LHFPL2: variants seen among roughly 807,000 people sequenced by gnomAD.
LHFPL2 encodes LHFPL tetraspan subfamily member 2, also known as LHFPL tetraspan subfamily member 2 protein.
In LHFPL2, 7 loss-of-function variants were observed where a neutral mutation model predicts 17.5. That is an observed-to-expected ratio of 0.40 (90% confidence interval 0.23 to 0.75). The LOEUF is 0.75. LHFPL2 is among the 30% of genes least tolerant of loss of function. The pLI is 0.37. For synonymous variants in LHFPL2, 134 were observed against 116.2 expected (o/e 1.15, Z -0.99); for missense variants, 241 against 294.8 (o/e 0.82, Z 1.34).
intron 4 of LHFPL2, among the ~76,000 whole-genome samples, chr5:78,506,081 G>A (rs573292091): frequency 2.0e-5 from 3 of 152,210 alleles, no homozygotes; most frequent in Non-Finnish European, 4.4e-5. Flanking sequence ...CCTGCTATCT[G>A]GATTCACATA....
chr5:78,592,028 G>C (rs902596718), intron 2 of LHFPL2, among the ~76,000 whole-genome samples: 2 of 152,212 alleles, frequency 1.3e-5, no homozygotes, highest in African/African-American at 4.8e-5. Flanking sequence ...GAGAGTGTCT[G>C]AAAGACGTGG....
intron 2 of LHFPL2, among the ~76,000 whole-genome samples, chr5:78,631,723 G>A (rs755284276): frequency 7.2e-5 from 11 of 152,196 alleles, no homozygotes; most frequent in Non-Finnish European, 1.5e-4. Flanking sequence ...ATCACTTGAG[G>A]TCAGGAGTTC....
intron 3 of LHFPL2, among the ~76,000 whole-genome samples, chr5:78,515,215 G>A (rs1174734513): frequency 6.6e-6 from 1 of 150,874 alleles, no homozygotes; most frequent in Non-Finnish European, 1.5e-5. Context: ...CTCATGCATT[G>A]CATTTGATTA....
chr5:78,526,758 T>C (rs544394054), intron 3 of LHFPL2, among the ~76,000 whole-genome samples: 1 of 152,320 alleles, frequency 6.6e-6, no homozygotes, highest in Non-Finnish European at 1.5e-5. Flanking sequence ...TATTGTCAAT[T>C]GAATGCACTT....
At chr5:78,644,843 C>T in intron 1 of LHFPL2, 1 of 199,472 alleles carries the variant, frequency 5.0e-6, no homozygotes, top group Admixed American at 4.8e-5. Flanking sequence ...CTCCTTTGCC[C>T]ATGTTTAGTT....
At chr5:78,515,856 G>A (rs1381315491) in intron 3 of LHFPL2, among the ~76,000 whole-genome samples, 1 of 152,314 alleles carries the variant, frequency 6.6e-6, no homozygotes, top group South Asian at 2.1e-4. Flanking sequence ...CAGGAGGAAT[G>A]TGGCCTGGCT....
intron 4 of LHFPL2, among the ~76,000 whole-genome samples, chr5:78,507,342 GAAAA>G (rs1465763693): frequency 5.3e-5 from 8 of 149,578 alleles, no homozygotes; most frequent in Admixed American, 5.3e-4. Flanking sequence ...AAAAAAAAAA[GAAAA>G]GAAAAAGAAA....
At chr5:78,545,349 A>G (rs1454356188) in intron 3 of LHFPL2, among the ~76,000 whole-genome samples, 1 of 152,192 alleles carries the variant, frequency 6.6e-6, no homozygotes, top group Non-Finnish European at 1.5e-5. Context: ...CTCTGTGAAG[A>G]TCCAGCATGG....
chr5:78,627,752 G>A (rs1745102731), intron 2 of LHFPL2, among the ~76,000 whole-genome samples: 1 of 152,192 alleles, frequency 6.6e-6, no homozygotes, highest in African/African-American at 2.4e-5. Flanking sequence ...CCTGACAGAA[G>A]GCACAGCTCT....
intron 3 of LHFPL2, among the ~76,000 whole-genome samples, chr5:78,535,277 T>A (rs1755913863): frequency 6.6e-6 from 1 of 152,122 alleles, no homozygotes; most frequent in Admixed American, 6.5e-5. Context: ...GGTCCTGGCC[T>A]TCCACCCACC....
chr5:78,509,162 G>A (rs574377231), intron 4 of LHFPL2, among the ~76,000 whole-genome samples: 1 of 152,308 alleles, frequency 6.6e-6, no homozygotes, highest in African/African-American at 2.4e-5. Flanking sequence ...GGAAGAGTTC[G>A]CTTGCATTTT....
Position 78,644,141 on chromosome 5 carries a change from G to C in LHFPL2, c.-350+4358C>G, listed in dbSNP as rs148214567. The stretch of plus-strand genomic sequence containing the variant: ...GGTAGTGTGTTAACTATACAAAAAA[G>C]ACAATGTACAATTTCAAAACAATTG... On this transcript the variant is annotated intron_variant, in intron 1 of 4. Transcript: ENST00000380345. 1.0e-3 allele frequency: 544 copies of C among 520,102 alleles called. 2 individuals carry two copies. Among genetic ancestry groups the C allele is most frequent in the African/African-American group, 9.5e-3 (484 of 51,082 alleles). 32.2% of individuals were successfully genotyped at this position (520,102 alleles called of 1,614,324 possible).
intron 3 of LHFPL2, among the ~76,000 whole-genome samples, chr5:78,511,952 C>G (rs1169364136): frequency 6.6e-6 from 1 of 152,146 alleles, no homozygotes; most frequent in African/African-American, 2.4e-5. Flanking sequence ...AGCTCCAGCA[C>G]TGACCATATG....
intron 2 of LHFPL2, among the ~76,000 whole-genome samples, chr5:78,595,051 T>G (rs1296501375): frequency 1.3e-5 from 2 of 152,178 alleles, no homozygotes; most frequent in Non-Finnish European, 2.9e-5. Context: ...CCTGTGTGTT[T>G]CGAATTCACA....
chr5:78,633,774 C>T (rs1335809074), intron 1 of LHFPL2, among the ~76,000 whole-genome samples: 1 of 152,128 alleles, frequency 6.6e-6, no homozygotes, highest in African/African-American at 2.4e-5. Flanking sequence ...CAGGCAAGGC[C>T]CTTCCTCTTC....
Position 78,619,608 on chromosome 5 carries a change from G to A in LHFPL2, c.-245+12656C>T, listed in dbSNP as rs563487646. The stretch of plus-strand genomic sequence containing the variant: ...GCTGGTGTGCTGCACCCATTAACTC[G>A]TCATTTAGCATTAGGTATATCTCCT... On this transcript the variant is annotated intron_variant, in intron 2 of 4. Transcript: ENST00000380345. 7.2e-3 allele frequency among the ~76,000 whole-genome samples: 993 copies of A among 137,886 alleles called. 10 individuals are homozygous for A. Among genetic ancestry groups the A allele is most frequent in the African/African-American group, 0.024 (894 of 37,202 alleles). The allele number at this position is 137,886 out of a possible 152,430, so 90.5% of individuals were successfully genotyped here.
intron 3 of LHFPL2, among the ~76,000 whole-genome samples, chr5:78,517,316 A>G (rs890744): frequency 0.73 from 111,141 of 152,148 alleles, 40,847 homozygotes; most frequent in Admixed American, 0.78. Flanking sequence ...GTTGTTTAAT[A>G]CACCCATCCT....
At chr5:78,538,800 T>C (rs1756021919) in intron 3 of LHFPL2, among the ~76,000 whole-genome samples, 1 of 152,210 alleles carries the variant, frequency 6.6e-6, no homozygotes, top group South Asian at 2.1e-4. Context: ...CCCCTTCATA[T>C]AGTCCCATTG....
intron 3 of LHFPL2, among the ~76,000 whole-genome samples, chr5:78,560,464 C>A (rs764226925): frequency 6.6e-5 from 10 of 152,138 alleles, no homozygotes; most frequent in Non-Finnish European, 8.8e-5. Context: ...TCTCCCGGGG[C>A]ATAGCAGTAT....
Sources: allele counts gnomAD v4.1 joint callset (sites outside exome capture counted in the v4.1 genomes callset), GRCh38; gene constraint gnomAD v4.1.1; transcripts MANE v1.5; gene names NCBI Gene and HGNC (gene_info 2026-07-23, HGNC 2026-07-21).